Variants in FHIT observed in about 807,000 individuals in gnomAD.
FHIT encodes the protein bis(5'-adenosyl)-triphosphatase.
Under a neutral mutation model 17.9 loss-of-function variants are expected in FHIT, and 19 were observed. The ratio of observed to expected loss-of-function variants is 1.06; its 90% CI spans 0.74 to 1.56. The LOEUF (loss-of-function observed/expected upper bound fraction) is 1.56. Among genes scored for constraint, FHIT ranks in the 40% most tolerant of loss-of-function variants. FHIT has a pLI of 0.00. For synonymous variants in FHIT, 81 were observed against 69.7 expected (o/e 1.16, Z -0.81); for missense variants, 248 against 189.2 (o/e 1.31, Z -1.82).
intron 5 of FHIT, among the ~76,000 whole-genome samples, chr3:60,491,849 C>T (rs545097199): frequency 6.6e-6 from 1 of 151,964 alleles, no homozygotes; most frequent in Non-Finnish European, 1.5e-5. Context: ...ACAACAGAAA[C>T]ACAATGAAAT....
chr3:60,248,912 G>A (rs145454888), intron 5 of FHIT, among the ~76,000 whole-genome samples: 1 of 152,212 alleles, frequency 6.6e-6, no homozygotes, highest in African/African-American at 2.4e-5. Context: ...GAAAAGGTGA[G>A]ACCTGGAGAA....
chr3:61,043,295 A>G (rs939044145), intron 2 of FHIT, among the ~76,000 whole-genome samples: 7 of 152,212 alleles, frequency 4.6e-5, no homozygotes, highest in African/African-American at 1.7e-4. Context: ...ATGGCACACC[A>G]GGAGATTATA....
intron 2 of FHIT, among the ~76,000 whole-genome samples, chr3:61,117,100 C>G (rs1327706352): frequency 6.6e-6 from 1 of 152,042 alleles, no homozygotes. Flanking sequence ...TTTATTAAGG[C>G]CTTCCAATAA....
At chr3:60,552,448 G>C (rs1179187795) in intron 4 of FHIT, among the ~76,000 whole-genome samples, 1 of 152,142 alleles carries the variant, frequency 6.6e-6, no homozygotes, top group African/African-American at 2.4e-5. Flanking sequence ...CACCACCAAT[G>C]AAAGAGGGTT....
intron 8 of FHIT, among the ~76,000 whole-genome samples, chr3:59,839,840 C>A (rs140642153): frequency 6.6e-6 from 1 of 152,156 alleles, no homozygotes; most frequent in African/African-American, 2.4e-5. Context: ...TTGTGCAAAA[C>A]GGTTAAGTCC....
chr3:59,979,136 T>C (rs1168059041), intron 7 of FHIT, among the ~76,000 whole-genome samples: 3 of 152,100 alleles, frequency 2.0e-5, no homozygotes, highest in Non-Finnish European at 4.4e-5. Flanking sequence ...TGCCTAAAAA[T>C]GTCACACTGA....
intron 5 of FHIT, among the ~76,000 whole-genome samples, chr3:60,186,980 C>G (rs527504219): frequency 6.6e-6 from 1 of 152,090 alleles, no homozygotes; most frequent in Non-Finnish European, 1.5e-5. Context: ...TGTATTTTAC[C>G]AGTTCATGCC....
At chr3:59,938,835 T>G (rs1008159540) in intron 7 of FHIT, among the ~76,000 whole-genome samples, 1 of 152,138 alleles carries the variant, frequency 6.6e-6, no homozygotes, top group African/African-American at 2.4e-5. Context: ...AGCTCTGATT[T>G]GATAGCTTAA....
chr3:60,236,449 T>C (rs1236781373), intron 5 of FHIT, among the ~76,000 whole-genome samples: 2 of 151,960 alleles, frequency 1.3e-5, no homozygotes, highest in Non-Finnish European at 1.5e-5. Context: ...CTACTACCCT[T>C]CCATTCTATC....
At chr3:60,156,565 A>G (rs1202641916) in intron 5 of FHIT, among the ~76,000 whole-genome samples, 3 of 151,954 alleles carry the variant, frequency 2.0e-5, no homozygotes, top group Non-Finnish European at 4.4e-5. Flanking sequence ...CCTAGGCAAC[A>G]TAGTGAGATC....
intron 3 of FHIT, among the ~76,000 whole-genome samples, chr3:61,001,915 T>C (rs1409508502): frequency 3.3e-5 from 5 of 152,174 alleles, no homozygotes; most frequent in East Asian, 3.9e-4. Flanking sequence ...GATATTAACA[T>C]TGGGGAAAAC....
At chr3:59,895,036 G>T (rs1704009825) in intron 8 of FHIT, among the ~76,000 whole-genome samples, 1 of 152,216 alleles carries the variant, frequency 6.6e-6, no homozygotes, top group African/African-American at 2.4e-5. Flanking sequence ...TTGTCCCACA[G>T]GGGACATTTG....
intron 7 of FHIT, among the ~76,000 whole-genome samples, chr3:59,952,839 T>C (rs551693465): frequency 8.5e-5 from 13 of 152,240 alleles, no homozygotes; most frequent in African/African-American, 3.1e-4. Context: ...GTCACACTCA[T>C]CACAGCAAGA....
chr3:60,644,647 T>A (rs2039811293), intron 4 of FHIT, among the ~76,000 whole-genome samples: 1 of 152,190 alleles, frequency 6.6e-6, no homozygotes. Flanking sequence ...TCCTTTGCCC[T>A]TGGATAAAAA....
chr3:60,747,931 A>G (rs1330709136), intron 4 of FHIT, among the ~76,000 whole-genome samples: 1 of 152,214 alleles, frequency 6.6e-6, no homozygotes, highest in Non-Finnish European at 1.5e-5. Context: ...GAAACAGAAA[A>G]AAATGTGCAA....
chr3:60,212,772 A>G (rs1396137978), intron 5 of FHIT, among the ~76,000 whole-genome samples: 1 of 152,182 alleles, frequency 6.6e-6, no homozygotes, highest in East Asian at 1.9e-4. Flanking sequence ...GGATATGAGA[A>G]AAACAAGATG....
At chr3:60,469,403 C>A (rs1401644288) in intron 5 of FHIT, among the ~76,000 whole-genome samples, 1 of 152,158 alleles carries the variant, frequency 6.6e-6, no homozygotes, top group Non-Finnish European at 1.5e-5. Flanking sequence ...TTCAAGCTCA[C>A]TAATTCTTTG....
At chr3:60,239,267 A>G (rs1704980541) in intron 5 of FHIT, among the ~76,000 whole-genome samples, 1 of 152,176 alleles carries the variant, frequency 6.6e-6, no homozygotes, top group Admixed American at 6.5e-5. Flanking sequence ...TCTTTTTGAA[A>G]GCATCTTTTT....
At chr3:59,848,441 T>TA (rs998847915) in intron 8 of FHIT, among the ~76,000 whole-genome samples, 43 of 152,264 alleles carry the variant, frequency 2.8e-4, no homozygotes, top group African/African-American at 6.7e-4. Flanking sequence ...CAAAAAGATT[T>TA]AAAAAAATCA....
Sources: gnomAD v4.1 joint callset for allele counts (sites outside exome capture counted in the v4.1 genomes callset) on GRCh38, gnomAD v4.1.1 for gene constraint, MANE v1.5 for transcripts, NCBI Gene and HGNC (gene_info 2026-07-23, HGNC 2026-07-21) for gene names.